SLC17A6: variants seen among roughly 807,000 people sequenced by gnomAD.
The protein encoded by SLC17A6 is solute carrier family 17 member 6.
SLC17A6 carries 35 observed loss-of-function variants against 67.1 expected under a neutral mutation model. That is an observed-to-expected ratio of 0.52 (90% confidence interval 0.40 to 0.69). The LOEUF (loss-of-function observed/expected upper bound fraction) is 0.69, where lower values mean the gene tolerates loss of function less well. Among genes scored for constraint, SLC17A6 ranks in the 30% least tolerant of loss-of-function variants. The pLI, the probability that SLC17A6 is intolerant of heterozygous loss-of-function variation, is 0.00. For synonymous variants in SLC17A6, 285 were observed against 252.3 expected (o/e 1.13, Z -1.23); for missense variants, 588 against 723.9 (o/e 0.81, Z 2.15).
intron 4 of SLC17A6, among the ~76,000 whole-genome samples, chr11:22,360,643 A>G (rs768123845): frequency 8.6e-5 from 13 of 151,814 alleles, no homozygotes; most frequent in Non-Finnish European, 1.8e-4. Context: ...TCTAAACTTC[A>G]CTTTTCTCTG....
Position 22,376,013 on chromosome 11 carries a change from C to T in SLC17A6, c.1206C>T (p.Val402=), listed in dbSNP as rs771047831. Residue 402 remains valine, a synonymous_variant, in exon 10 of 12, where the codon GTC becomes GTT. Coordinates refer to ENST00000263160, the MANE Select transcript of SLC17A6 (RefSeq NM_020346.3). ...GCATGGAAGCCACACTGCTCCTGGT[C>T]GTTGGCTATTCTCATACTAGAGGGG... ...GFGMEATLLL[V]VGYSHTRGVA... 23 of 1,609,698 alleles carry T rather than the reference C, an allele frequency of 1.4e-5. No homozygotes were observed. The highest frequency in any genetic ancestry group is 1.8e-5 in the Non-Finnish European group (21 of 1,177,596).
chr11:22,340,330 TA>T (rs1296850518), intron 1 of SLC17A6, among the ~76,000 whole-genome samples: 5 of 152,394 alleles, frequency 3.3e-5, no homozygotes, highest in Non-Finnish European at 5.9e-5. Context: ...TGTTACCTTA[TA>T]CATTCCTTTT....
rs558669677 is a variant in SLC17A6 at position 22,361,226 on chromosome 11, A to G, written c.661+242A>G. 69 of 415,808 alleles carry G rather than the reference A, an allele frequency of 1.7e-4. No homozygotes were observed. In the South Asian group the frequency reaches 2.7e-3, roughly 16 times the overall value. 25.8% of individuals were successfully genotyped at this position (415,808 alleles called of 1,614,324 possible). ...ATCCATTTCATCTAGGATTTCAAATATATTCATGGGTGGTTTTTATAATAC... is the reference window on the plus strand; with the variant it reads ...ATCCATTTCATCTAGGATTTCAAATGTATTCATGGGTGGTTTTTATAATAC... On this transcript the variant is annotated intron_variant, in intron 5 of 11. Coordinates refer to ENST00000263160, the MANE Select transcript of SLC17A6 (RefSeq NM_020346.3).
chr11:22,365,835 G>C, intron 7 of SLC17A6, 146 bp downstream of exon 7: 2 of 803,780 alleles, frequency 2.5e-6, no homozygotes, highest in African/African-American at 1.8e-5. Flanking sequence ...CATATTCTCT[G>C]ACTTAGGAAT....
intron 3 of SLC17A6, among the ~76,000 whole-genome samples, chr11:22,350,678 A>T (rs913367903): frequency 1.3e-5 from 2 of 152,140 alleles, no homozygotes; most frequent in Non-Finnish European, 2.9e-5. Flanking sequence ...TCCCCAGCCC[A>T]ATTACTGACA....
At chr11:22,358,921 G>A (rs1856018999) in intron 3 of SLC17A6, among the ~76,000 whole-genome samples, 1 of 152,132 alleles carries the variant, frequency 6.6e-6, no homozygotes, top group African/African-American at 2.4e-5. Context: ...CAGCTTCTAG[G>A]AAAGCTACAA....
chr11:22,351,391 G>A (rs948144770), intron 3 of SLC17A6, among the ~76,000 whole-genome samples: 9 of 151,840 alleles, frequency 5.9e-5, no homozygotes, highest in African/African-American at 2.2e-4. Context: ...ACCACCCCAA[G>A]CACTCTCACA....
At position 22,378,850 on chromosome 11, in the gene SLC17A6, A is replaced by G. The variant is rs1856263875; in HGVS notation, c.*1110A>G. 2 of 152,114 alleles carry G rather than the reference A, an allele frequency of 1.3e-5. No individual in the cohort carries two copies. The highest frequency in any genetic ancestry group is 2.4e-5 in the African/African-American group (1 of 41,458). The allele number at this position is 152,114 out of a possible 1,614,324, so 9.4% of individuals were successfully genotyped here. On this transcript the variant is annotated 3_prime_UTR_variant, in exon 12 of 12. Coordinates refer to ENST00000263160, the MANE Select transcript of SLC17A6 (RefSeq NM_020346.3). Reference sequence around the variant, plus strand: ...TTATATTAAAATGGTCTCTCTCTATATATATCTGTATATCTTATACATGTC... The same window carrying G: ...TTATATTAAAATGGTCTCTCTCTATGTATATCTGTATATCTTATACATGTC...
chr11:22,339,133 TATATATATGTTATATATAGTTA>T (rs1564976395), intron 1 of SLC17A6, among the ~76,000 whole-genome samples: 14 of 20,648 alleles, frequency 6.8e-4, no homozygotes, highest in African/African-American at 1.2e-3. Flanking sequence ...ATATATGTTA[TATATATATGTTATATATAGTTA>T]TATATATATG....
chr11:22,362,352 G>A (rs1856062306), intron 5 of SLC17A6: 2 of 335,546 alleles, frequency 6.0e-6, no homozygotes, highest in South Asian at 3.1e-5. Flanking sequence ...GAAACTGCAC[G>A]AATTTGCTAC....
Position 22,341,704 on chromosome 11 carries a change from G to T in SLC17A6, c.263G>T (p.Arg88Leu). ...GGCTTCTGCATCTCCTTCGGTATCC[G>T]CTGCAACCTGGGCGTGGCCATTGTG... Reference protein sequence around the residue: ...GLGFCISFGIRCNLGVAIVDM... With the variant: ...GLGFCISFGILCNLGVAIVDM... Residue 88 changes from arginine to leucine, a missense_variant, in exon 2 of 12, where the codon CGC becomes CTC. Coordinates refer to ENST00000263160, the MANE Select transcript of SLC17A6 (RefSeq NM_020346.3). 1 of 1,614,186 alleles carries T rather than the reference G, an allele frequency of 6.2e-7. No individual in the cohort carries two copies. Among genetic ancestry groups the T allele is most frequent in the Non-Finnish European group, 8.5e-7 (1 of 1,180,030 alleles).
At chr11:22,349,231 T>G (rs1185485658) in intron 3 of SLC17A6, among the ~76,000 whole-genome samples, 1 of 152,200 alleles carries the variant, frequency 6.6e-6, no homozygotes, top group East Asian at 1.9e-4. Context: ...TAAATCCTGC[T>G]GAAAGGGACC....
chr11:22,376,206 A>T, intron 10 of SLC17A6, 114 bp downstream of exon 10: 3 of 594,416 alleles, frequency 5.0e-6, no homozygotes, highest in Non-Finnish European at 8.3e-6. Flanking sequence ...CTATATGTTG[A>T]ATAATAGTCA....
At chr11:22,359,920 T>A (rs1168833050) in intron 4 of SLC17A6, among the ~76,000 whole-genome samples, 2 of 152,140 alleles carry the variant, frequency 1.3e-5, no homozygotes, top group African/African-American at 2.4e-5. Flanking sequence ...AATCACGATA[T>A]GAGTTTTCAC....
At chr11:22,347,164 AG>A (rs1462305165) in intron 3 of SLC17A6, among the ~76,000 whole-genome samples, 1 of 151,772 alleles carries the variant, frequency 6.6e-6, no homozygotes, top group Non-Finnish European at 1.5e-5. Flanking sequence ...CTATATTACT[AG>A]TATCTCAGAG....
intron 3 of SLC17A6, 53 bp downstream of exon 3, chr11:22,343,418 A>AG (rs1855842068): frequency 2.0e-6 from 3 of 1,468,590 alleles, no homozygotes; most frequent in Non-Finnish European, 2.8e-6. Context: ...TTTCCTCCGA[A>AG]GGGGCAGCAG....
In SLC17A6 at chr11:22,338,606, G is replaced by T. The variant is rs1300226654; in HGVS notation, c.73G>T (p.Gly25Cys). Residue 25 changes from glycine (G) to cysteine (C), a missense_variant, in exon 1 of 12, where the codon GGC becomes TGC. By Grantham distance (159) the Gly-to-Cys change is radical. Around this residue, in one of 4 missense-constraint regions of SLC17A6, gnomAD observed 117 missense variants for 98.7 expected, o/e 1.19. Coordinates refer to ENST00000263160, the MANE Select transcript of SLC17A6 (RefSeq NM_020346.3). ...GLKNFAGKSL[G>C]QIYRVLEKKQ... ...AAAGAATTTTGCTGGAAAATCACTC[G>T]GCCAGATCTACAGGTAAGACAAAGC... 2 of 1,612,634 alleles carry T rather than the reference G, an allele frequency of 1.2e-6. No individual in the cohort carries two copies. The highest frequency in any genetic ancestry group is 1.7e-6 in the Non-Finnish European group (2 of 1,179,234).
At chr11:22,360,678 A>G (rs888906418) in intron 4 of SLC17A6, among the ~76,000 whole-genome samples, 3 of 152,172 alleles carry the variant, frequency 2.0e-5, no homozygotes, top group Non-Finnish European at 2.9e-5. Flanking sequence ...TTTGGAATTT[A>G]CTGAATTTAA....
rs528339858 is a variant in SLC17A6, at chr11:22,378,539, A to G, written c.*799A>G. ...AATGTATTTTTTATTACAACTTTGT[A>G]CTGGTTGTAACTTGCATTAGAAAAA... On this transcript the variant is annotated 3_prime_UTR_variant, in exon 12 of 12. Transcript: ENST00000263160. 2 of 151,348 alleles carry G rather than the reference A, an allele frequency of 1.3e-5. No homozygotes were observed. The highest frequency in any genetic ancestry group is 4.2e-4 in the South Asian group (2 of 4,788). 9.4% of individuals were successfully genotyped at this position (151,348 alleles called of 1,614,324 possible).
Sources: gnomAD v4.1 joint callset for allele counts (sites outside exome capture counted in the v4.1 genomes callset) on GRCh38, gnomAD v4.1.1 for gene constraint, gnomAD v4.1.1 regional missense constraint, MANE v1.5 for transcripts, NCBI Gene and HGNC (gene_info 2026-07-23, HGNC 2026-07-21) for gene names.